Variants in MTF2 observed in about 807,000 individuals in gnomAD.
The protein encoded by MTF2 is metal-response element-binding transcription factor 2.
In MTF2, 11 loss-of-function variants were observed where a neutral mutation model predicts 79.5. That is an observed-to-expected ratio of 0.14 (90% CI 0.09 to 0.23). The LOEUF (loss-of-function observed/expected upper bound fraction) is 0.23. Ranked by LOEUF, MTF2 falls within the 10% of genes least tolerant of loss-of-function variation. MTF2 has a pLI of 1.00. For synonymous variants in MTF2, 208 were observed against 232.8 expected, an observed-to-expected ratio of 0.89 and a Z score of 0.97; for missense variants, 486 against 711.2, an observed-to-expected ratio of 0.68 and a Z score of 3.60.
intron 1 of MTF2, among the ~76,000 whole-genome samples, chr1:93,094,659 C>G (rs932528375): frequency 4.0e-5 from 6 of 151,780 alleles, no homozygotes; most frequent in African/African-American, 1.5e-4. Context: ...AGAGGCTTAC[C>G]AGGTTCAGGT....
At position 93,136,728 on chromosome 1, in the gene MTF2, C is replaced by T; in HGVS notation, c.1483C>T (p.His495Tyr). ...TGRSWPAAIP[H>Y]LRRRRGRLPR... ...AAGATCTTGGCCTGCTGCAATACCA[C>T]ATTTGCGGAGAAGAAGAGGTCGTCT... The change falls in exon 15 of 15, where the codon CAT (histidine) becomes TAT (tyrosine). Residue 495 changes from histidine to tyrosine, a missense_variant. Physicochemically the swap from His to Tyr is moderately conservative, Grantham distance 83. This residue lies in a region of MTF2 where 209 missense variants were observed against 206.5 expected (regional missense o/e 1.01). Transcript: ENST00000370298. 1 of 1,614,170 alleles carries T rather than the reference C, an allele frequency of 6.2e-7. No individual in the cohort carries two copies. The highest frequency in any genetic ancestry group is 1.1e-5 in the South Asian group (1 of 91,086).
chr1:93,107,079 A>T (rs1385504768), intron 1 of MTF2, among the ~76,000 whole-genome samples: 1 of 152,190 alleles, frequency 6.6e-6, no homozygotes, highest in African/African-American at 2.4e-5. Flanking sequence ...CAGAAAAAAC[A>T]ATGTTAGATA....
chr1:93,090,468 G>A (rs1000405893), intron 1 of MTF2, among the ~76,000 whole-genome samples: 6 of 151,424 alleles, frequency 4.0e-5, no homozygotes, highest in Admixed American at 6.6e-5. Context: ...GGAGGGTCTC[G>A]AATTCCTGAC....
intron 3 of MTF2, among the ~76,000 whole-genome samples, chr1:93,113,009 C>T (rs1656092235): frequency 1.3e-5 from 2 of 152,140 alleles, no homozygotes; most frequent in Admixed American, 1.3e-4. Context: ...AGAGAGTTCC[C>T]AGGCTTAATC....
intron 14 of MTF2, among the ~76,000 whole-genome samples, chr1:93,134,926 A>G (rs554858466): frequency 1.7e-4 from 25 of 151,328 alleles, no homozygotes; most frequent in Non-Finnish European, 2.7e-4. Flanking sequence ...CTCCCCTCTG[A>G]TATCTTATTT....
rs537791925 is a variant in MTF2, at chr1:93,117,446, T to G, written c.633-899T>G. Among the ~76,000 whole-genome samples the G allele has an allele frequency of 3.3e-5, 5 of 152,362 alleles. No homozygotes were observed. The Middle Eastern group carries it at 0.017, about 518-fold the overall frequency. ...TAGATGAAGATTCAATTTTAGCATC[T>G]TTAGCTTTCTCAAACAGATCTATAG... On this transcript the variant is annotated intron_variant, in intron 6 of 14. Transcript: ENST00000370298.
intron 9 of MTF2, chr1:93,121,473 T>G: frequency 1.0e-6 from 1 of 980,544 alleles, no homozygotes; most frequent in Non-Finnish European, 1.2e-6. Flanking sequence ...AGGTAAAAAT[T>G]TTGCACACTG....
intron 1 of MTF2, among the ~76,000 whole-genome samples, chr1:93,098,731 A>G (rs1424052682): frequency 2.0e-5 from 3 of 152,220 alleles, no homozygotes; most frequent in Non-Finnish European, 2.9e-5. Context: ...ATGAACCATT[A>G]CAAATAGGAA....
chr1:93,127,946 A>C (rs948586910), intron 10 of MTF2, among the ~76,000 whole-genome samples: 1 of 152,104 alleles, frequency 6.6e-6, no homozygotes, highest in Non-Finnish European at 1.5e-5. Flanking sequence ...GACTCCAGTG[A>C]AATTTTATAT....
intron 11 of MTF2, among the ~76,000 whole-genome samples, chr1:93,131,697 A>G (rs976599789): frequency 6.6e-6 from 1 of 152,308 alleles, no homozygotes; most frequent in South Asian, 2.1e-4. Context: ...GGTTTTTTAA[A>G]ATAGATGGGA....
chr1:93,104,156 T>G (rs1486175881), intron 1 of MTF2, among the ~76,000 whole-genome samples: 1 of 146,570 alleles, frequency 6.8e-6, no homozygotes, highest in Non-Finnish European at 1.5e-5. Context: ...CCCAGGCTGG[T>G]CTCAAATTCC....
intron 3 of MTF2, 25 bp from the exon 4 acceptor site, chr1:93,114,663 T>C: frequency 6.4e-7 from 1 of 1,554,142 alleles, no homozygotes; most frequent in South Asian, 1.2e-5. Context: ...TGACTCTCTT[T>C]TTTAATGTGT....
intron 1 of MTF2, among the ~76,000 whole-genome samples, chr1:93,088,574 A>G (rs1654943888): frequency 6.6e-6 from 1 of 151,512 alleles, no homozygotes; most frequent in Non-Finnish European, 1.5e-5. Flanking sequence ...GTCATTTACA[A>G]TTTTTTTTTG....
chr1:93,123,136 A>G (rs1656547508), intron 9 of MTF2, among the ~76,000 whole-genome samples: 1 of 150,320 alleles, frequency 6.7e-6, no homozygotes, highest in Admixed American at 6.6e-5. Context: ...GAAGTAGTGT[A>G]TGCTAAATAT....
chr1:93,109,850 A>G (rs573801700), intron 1 of MTF2, among the ~76,000 whole-genome samples: 1 of 152,300 alleles, frequency 6.6e-6, no homozygotes. Flanking sequence ...GGCATAATCA[A>G]GAGATTAAAA....
chr1:93,134,199 G>A lies in MTF2; in HGVS notation c.1424+4G>A, dbSNP rs1647274859. ...CTAGCATTTCCAGGCATTATGGGTA[G>A]ATATTTTACATTCTTATTTTTTTTA... On this transcript the variant is annotated splice_donor_region_variant and intron_variant, in intron 14 of 14. Coordinates refer to ENST00000370298, the MANE Select transcript of MTF2 (RefSeq NM_007358.4). The A allele has an allele frequency of 6.3e-7, 1 of 1,574,812 alleles. No individual in the cohort carries two copies. Among genetic ancestry groups the A allele is most frequent in the African/African-American group, 1.4e-5 (1 of 73,500 alleles).
chr1:93,127,197 T>A (rs752341810), intron 9 of MTF2, 35 bp from the exon 10 acceptor site: 1 of 1,452,460 alleles, frequency 6.9e-7, no homozygotes, highest in South Asian at 1.1e-5. Flanking sequence ...TTGATGAAAT[T>A]GTAGTGCGTT....
intron 1 of MTF2, among the ~76,000 whole-genome samples, chr1:93,085,792 C>T (rs1038483097): frequency 3.3e-5 from 5 of 152,136 alleles, no homozygotes; most frequent in South Asian, 2.1e-4. Flanking sequence ...CAGCCAGGGC[C>T]AACTTTTAGC....
chr1:93,108,417 A>G (rs1056758004), intron 1 of MTF2, among the ~76,000 whole-genome samples: 1 of 152,086 alleles, frequency 6.6e-6, no homozygotes, highest in Admixed American at 6.5e-5. Context: ...TTTCACCTTC[A>G]TTTTTGAAAG....
Sources: gnomAD v4.1 joint callset for allele counts (sites outside exome capture counted in the v4.1 genomes callset) on GRCh38, gnomAD v4.1.1 for gene constraint, gnomAD v4.1.1 regional missense constraint, MANE v1.5 for transcripts, NCBI Gene and HGNC (gene_info 2026-07-23, HGNC 2026-07-21) for gene names.